Variants in FMNL2 observed in about 807,000 individuals in gnomAD.
FMNL2 encodes the protein formin like 2.
In FMNL2, 51 loss-of-function variants were observed where a neutral mutation model predicts 130.2. The ratio of observed to expected loss-of-function variants is 0.39; its 90% CI spans 0.31 to 0.49. The LOEUF (loss-of-function observed/expected upper bound fraction) is 0.49. Ranked by LOEUF, FMNL2 falls within the 20% of genes least tolerant of loss-of-function variation. The probability of loss-of-function intolerance (pLI) is 0.85; values close to 1 mark genes in which losing one functional copy is unlikely to be tolerated. For missense variants in FMNL2, 977 were observed against 1,316.2 expected, an observed-to-expected ratio of 0.74 and a Z score of 3.99; for synonymous variants, 465 against 467.1, an observed-to-expected ratio of 1.00 and a Z score of 0.06.
At chr2:152,619,250 T>C in intron 14 of FMNL2, 92 bp downstream of exon 14, 1 of 1,425,554 alleles carries the variant, frequency 7.0e-7, no homozygotes, top group South Asian at 1.5e-5. Context: ...TGTCCGTTTT[T>C]GTTGGCATGT....
chr2:152,499,229 C>G (rs1207400676), intron 1 of FMNL2, among the ~76,000 whole-genome samples: 1 of 152,162 alleles, frequency 6.6e-6, no homozygotes, highest in Non-Finnish European at 1.5e-5. Context: ...TAAGCTCATC[C>G]AACTTCACAG....
At chr2:152,481,681 G>C (rs757421971) in intron 1 of FMNL2, among the ~76,000 whole-genome samples, 8 of 152,176 alleles carry the variant, frequency 5.3e-5, no homozygotes, top group East Asian at 1.9e-4. Flanking sequence ...AGCAATTCAG[G>C]TTGAAATTTG....
At chr2:152,378,362 C>T (rs1004708391) in intron 1 of FMNL2, among the ~76,000 whole-genome samples, 2 of 152,112 alleles carry the variant, frequency 1.3e-5, no homozygotes, top group Non-Finnish European at 2.9e-5. Flanking sequence ...AGCATTTATA[C>T]TTTATTTTCA....
At chr2:152,387,929 C>G (rs1023981549) in intron 1 of FMNL2, among the ~76,000 whole-genome samples, 1 of 151,926 alleles carries the variant, frequency 6.6e-6, no homozygotes, top group Non-Finnish European at 1.5e-5. Flanking sequence ...ACTGGGATTA[C>G]AGGTGTGGGC....
intron 9 of FMNL2, among the ~76,000 whole-genome samples, chr2:152,602,805 C>T (rs566656715): frequency 6.6e-6 from 1 of 152,268 alleles, no homozygotes; most frequent in Non-Finnish European, 1.5e-5. Flanking sequence ...CCCATGCAGG[C>T]CAATGCATGG....
chr2:152,469,525 C>G (rs1689739603), intron 1 of FMNL2, among the ~76,000 whole-genome samples: 1 of 152,192 alleles, frequency 6.6e-6, no homozygotes, highest in Admixed American at 6.5e-5. Context: ...CTTTGTTATT[C>G]TGCATGTTGC....
Position 152,507,236 on chromosome 2 carries a change from T to G in FMNL2, c.118-14707T>G, listed in dbSNP as rs140099893. Among the ~76,000 whole-genome samples the G allele has an allele frequency of 6.9e-3, 1,049 of 152,368 alleles. 14 individuals carry two copies. The highest frequency in any genetic ancestry group is 0.024 in the African/African-American group (1,014 of 41,590). On this transcript the variant is annotated intron_variant, in intron 1 of 25. Coordinates refer to ENST00000288670, the MANE Select transcript of FMNL2 (RefSeq NM_052905.4). ...CTAGACATTTCTATTTAGTTCATTA[T>G]TTGGCTGTTAGCTAAACATCCATTG... is the stretch of plus-strand genomic sequence containing the variant.
chr2:152,640,882 GA>G lies in FMNL2; in HGVS notation c.3141del (p.Asp1048MetfsTer22). 1 of 1,613,840 alleles carries G rather than the reference GA, an allele frequency of 6.2e-7. No individual in the cohort carries two copies. Among genetic ancestry groups the G allele is most frequent in the Non-Finnish European group, 8.5e-7 (1 of 1,179,804 alleles). ...QVKDNRHVYE[G>X]KDGAIEDIIT... Reference sequence around the variant, plus strand: ...AAAGATAACAGACATGTATATGAGGGAAAAGATGGTGCCATTGAAGATATTA... The same window carrying G: ...AAAGATAACAGACATGTATATGAGGGAAAGATGGTGCCATTGAAGATATTA... On this transcript the variant is annotated frameshift_variant, in exon 25 of 26. Transcript: ENST00000288670. LOFTEE classifies it high-confidence loss of function.
intron 1 of FMNL2, among the ~76,000 whole-genome samples, chr2:152,387,382 G>A (rs1485430459): frequency 1.3e-5 from 2 of 152,172 alleles, no homozygotes. Flanking sequence ...ATGTTTGTTA[G>A]ATTTAATTGC....
intron 1 of FMNL2, among the ~76,000 whole-genome samples, chr2:152,416,417 T>G (rs181761901): frequency 1.3e-5 from 2 of 152,330 alleles, no homozygotes; most frequent in African/African-American, 4.8e-5. Context: ...TGTCTTCAGC[T>G]TTTATGAAGA....
chr2:152,616,415 C>G (rs185377728), intron 12 of FMNL2, among the ~76,000 whole-genome samples: 1 of 147,164 alleles, frequency 6.8e-6, no homozygotes, highest in African/African-American at 2.5e-5. Flanking sequence ...ACTGCAACCT[C>G]TGCCTCCTGG....
intron 23 of FMNL2, among the ~76,000 whole-genome samples, chr2:152,639,595 T>C (rs1682910421): frequency 1.3e-5 from 2 of 152,166 alleles, no homozygotes; most frequent in South Asian, 2.1e-4. Context: ...GATCCTGCTA[T>C]CAGAGGAACT....
chr2:152,564,784 T>TTTTTTTTTG (rs1330557631), intron 6 of FMNL2, among the ~76,000 whole-genome samples: 1 of 148,058 alleles, frequency 6.8e-6, no homozygotes, highest in Non-Finnish European at 1.5e-5. Context: ...TGGTTTTTTT[T>TTTTTTTTTG]TTTTTTTTTT....
Position 152,545,345 on chromosome 2 carries a change from G to A in FMNL2, c.282+2526G>A, listed in dbSNP as rs1394990007. 2.6e-5 allele frequency among the ~76,000 whole-genome samples: 4 copies of A among 152,246 alleles called. No individual in the cohort carries two copies. The East Asian group carries it at 5.8e-4, about 22-fold the overall frequency. ...GGTTGGGCAGTTTTCCTTTAACTGT[G>A]TCTGGAGTCCTCGAATACTTGATTC... On this transcript the variant is annotated intron_variant, in intron 3 of 25. Transcript: ENST00000288670.
intron 1 of FMNL2, among the ~76,000 whole-genome samples, chr2:152,505,113 T>C (rs910361235): frequency 6.6e-6 from 1 of 151,926 alleles, no homozygotes; most frequent in Non-Finnish European, 1.5e-5. Context: ...ACGAGTCTGC[T>C]CATTCTTTGA....
intron 1 of FMNL2, among the ~76,000 whole-genome samples, chr2:152,371,576 G>A (rs1239769681): frequency 6.6e-6 from 1 of 151,222 alleles, no homozygotes; most frequent in Non-Finnish European, 1.5e-5. Flanking sequence ...AGCTGAGGCA[G>A]GAGAATCGCT....
At chr2:152,463,335 C>A (rs576143299) in intron 1 of FMNL2, among the ~76,000 whole-genome samples, 1 of 151,962 alleles carries the variant, frequency 6.6e-6, no homozygotes, top group African/African-American at 2.4e-5. Flanking sequence ...GGAGATAGGG[C>A]CTATTACCCT....
At chr2:152,487,502 C>T (rs762695500) in intron 1 of FMNL2, among the ~76,000 whole-genome samples, 9 of 152,026 alleles carry the variant, frequency 5.9e-5, no homozygotes, top group Non-Finnish European at 1.2e-4. Flanking sequence ...ATGATATCGG[C>T]GAAAACTAAA....
intron 21 of FMNL2, 29 bp downstream of exon 21, chr2:152,632,166 C>T (rs1484093896): frequency 1.3e-6 from 2 of 1,599,992 alleles, no homozygotes; most frequent in East Asian, 2.2e-5. Context: ...TACCGTTCGT[C>T]TTGGGTATTT....
Sources: gnomAD v4.1 joint callset for allele counts (sites outside exome capture counted in the v4.1 genomes callset) on GRCh38, gnomAD v4.1.1 for gene constraint, MANE v1.5 for transcripts, NCBI Gene and HGNC (gene_info 2026-07-23, HGNC 2026-07-21) for gene names.